Variants in ZNF521 observed in about 807,000 individuals in gnomAD.
ZNF521 encodes the protein LYST-interacting protein 3.
ZNF521 carries 14 observed loss-of-function variants against 105.5 expected under a neutral mutation model. The observed-to-expected ratio is 0.13, with a 90% CI of 0.09 to 0.21. The LOEUF is 0.21. Among genes scored for constraint, ZNF521 ranks in the 10% least tolerant of loss-of-function variants. The pLI is 1.00. For synonymous variants in ZNF521, 635 were observed against 606.0 expected (o/e 1.05, Z -0.70); for missense variants, 1,233 against 1,629.7 (o/e 0.76, Z 4.19).
At chr18:25,071,832 G>C (rs746088552) in intron 7 of ZNF521, among the ~76,000 whole-genome samples, 1 of 152,124 alleles carries the variant, frequency 6.6e-6, no homozygotes, top group Non-Finnish European at 1.5e-5. Flanking sequence ...CACAGAGGAA[G>C]GGCCCTTCAC....
intron 3 of ZNF521, among the ~76,000 whole-genome samples, chr18:25,250,143 A>G (rs1908013565): frequency 1.3e-5 from 2 of 152,006 alleles, no homozygotes; most frequent in Non-Finnish European, 2.9e-5. Flanking sequence ...GTTTCATCGT[A>G]TTAGCCAGGA....
intron 5 of ZNF521, among the ~76,000 whole-genome samples, chr18:25,189,622 C>A (rs967281060): frequency 1.3e-5 from 2 of 152,158 alleles, no homozygotes; most frequent in African/African-American, 4.8e-5. Context: ...ACCATCACTC[C>A]ACACTGCACA....
At chr18:25,156,601 A>C (rs2035149606) in intron 5 of ZNF521, among the ~76,000 whole-genome samples, 1 of 152,230 alleles carries the variant, frequency 6.6e-6, no homozygotes, top group Admixed American at 6.5e-5. Context: ...TATACAATCC[A>C]GGCAAGAGTA....
At chr18:25,240,489 C>T (rs933776397) in intron 3 of ZNF521, among the ~76,000 whole-genome samples, 1 of 152,150 alleles carries the variant, frequency 6.6e-6, no homozygotes, top group South Asian at 2.1e-4. Context: ...TGCTTGCCCA[C>T]GACACTGACA....
At chr18:25,089,689 T>G in intron 6 of ZNF521, 109 bp from the exon 7 acceptor site, 2 of 817,546 alleles carry the variant, frequency 2.4e-6, no homozygotes, top group Non-Finnish European at 4.1e-6. Context: ...CTCCCAGGTG[T>G]GACTTACTGC....
Position 25,226,264 on chromosome 18 carries a change from G to C in ZNF521, c.1654C>G (p.Pro552Ala). Residue 552 changes from proline (P) to alanine (A), a missense_variant, in exon 4 of 8, where the codon CCC (proline) becomes GCC (alanine). Transcript: ENST00000361524. The surrounding 1 kb of genome is among the most constrained non-coding windows in gnomAD (Gnocchi z 4.1). ...TAGACTTCTACTACTGGTTCTTTGGGAGTCCCAAGCACTGGAGACCCAAAT... is the reference window on the plus strand; with the variant it reads ...TAGACTTCTACTACTGGTTCTTTGGCAGTCCCAAGCACTGGAGACCCAAAT... ...SRFGSPVLGT[P>A]KEPVVEVYSC... 1.2e-6 allele frequency: 2 copies of C among 1,614,150 alleles called. No homozygotes were observed. Among genetic ancestry groups the C allele is most frequent in the Admixed American group, 3.3e-5 (2 of 60,018 alleles).
chr18:25,184,557 A>T (rs2035688290), intron 5 of ZNF521, among the ~76,000 whole-genome samples: 1 of 152,166 alleles, frequency 6.6e-6, no homozygotes, highest in Admixed American at 6.5e-5. Flanking sequence ...TTAAGGTTTA[A>T]ATTTCAATTC....
At chr18:25,276,277 A>G (rs906133542) in intron 3 of ZNF521, among the ~76,000 whole-genome samples, 6 of 152,098 alleles carry the variant, frequency 3.9e-5, no homozygotes, top group African/African-American at 1.4e-4. Context: ...CTGCAGATAG[A>G]AAAATGTTAA....
At position 25,227,796 on chromosome 18, in the gene ZNF521, G is replaced by T; in HGVS notation, c.221-99C>A. On this transcript the variant is annotated intron_variant, in intron 3 of 7. Coordinates refer to ENST00000361524, the MANE Select transcript of ZNF521 (RefSeq NM_015461.3). The surrounding 1 kb of genome is among the most constrained non-coding windows in gnomAD (Gnocchi z 5.7). ...CCAGCACGCAGAGTTGGGCCCTCTT[G>T]AATCTTTCAAGAAAAAACAAAATGA... 1.0e-6 allele frequency: 1 copy of T among 997,988 alleles called. No individual in the cohort carries two copies. The highest frequency in any genetic ancestry group is 1.4e-6 in the Non-Finnish European group (1 of 695,904). The allele number at this position is 997,988 out of a possible 1,614,324, so 61.8% of individuals were successfully genotyped here. A position where few individuals can be genotyped will look rare whatever the true frequency, so the allele number is the denominator to read the frequency against.
chr18:25,351,907 G>T (rs953381804), intron 1 of ZNF521, 98 bp downstream of exon 1: 40 of 280,378 alleles, frequency 1.4e-4, no homozygotes, highest in Non-Finnish European at 2.8e-4. Context: ...CGGCAGCGGC[G>T]GCGGCAGCGG....
intron 6 of ZNF521, among the ~76,000 whole-genome samples, chr18:25,091,375 T>TA (rs1255378629): frequency 6.6e-6 from 1 of 152,292 alleles, no homozygotes; most frequent in African/African-American, 2.4e-5. Context: ...TCGTATCTGT[T>TA]AAAAAATTTC....
intron 2 of ZNF521, among the ~76,000 whole-genome samples, chr18:25,344,370 A>G (rs1914366474): frequency 6.6e-6 from 1 of 152,198 alleles, no homozygotes; most frequent in Non-Finnish European, 1.5e-5. Flanking sequence ...TGTTAACTTT[A>G]ATGTTTAAGT....
chr18:25,297,612 T>C (rs568918716), intron 3 of ZNF521, among the ~76,000 whole-genome samples: 10 of 152,270 alleles, frequency 6.6e-5, no homozygotes, highest in African/African-American at 2.2e-4. Flanking sequence ...TTCATATTAC[T>C]GGCAGAGAAA....
rs1242273909 is a variant in ZNF521 at position 25,227,105 on chromosome 18, T to C, written c.813A>G (p.Glu271=). 1 of 1,614,084 alleles carries C rather than the reference T, an allele frequency of 6.2e-7. No homozygotes were observed. The highest frequency in any genetic ancestry group is 1.1e-5 in the South Asian group (1 of 91,076). The change falls in exon 4 of 8, where the codon GAA becomes GAG. Residue 271 remains glutamate (E), a synonymous_variant. Coordinates refer to ENST00000361524, the MANE Select transcript of ZNF521 (RefSeq NM_015461.3). The surrounding 1 kb of genome is among the most constrained non-coding windows in gnomAD (Gnocchi z 5.7). ...CCGCTCGGTCCTCATTTGGGGAGCATTCGGGGTGGCACTCTGCAATGTGTT... is the reference window on the plus strand; with the variant it reads ...CCGCTCGGTCCTCATTTGGGGAGCACTCGGGGTGGCACTCTGCAATGTGTT... ...LQKHIAECHP[E]CSPNEDRAAL... is the part of the protein sequence containing the mutation.
At chr18:25,150,964 C>A (rs1017694593) in intron 5 of ZNF521, among the ~76,000 whole-genome samples, 2 of 149,876 alleles carry the variant, frequency 1.3e-5, no homozygotes, top group South Asian at 2.1e-4. Flanking sequence ...TCACGGCTCA[C>A]TGTAGCCTTG....
intron 5 of ZNF521, among the ~76,000 whole-genome samples, chr18:25,148,967 C>A (rs1425884529): frequency 6.6e-6 from 1 of 152,116 alleles, no homozygotes; most frequent in African/African-American, 2.4e-5. Context: ...CATAAATGAA[C>A]TCGGAGCATA....
intron 5 of ZNF521, among the ~76,000 whole-genome samples, chr18:25,166,690 T>C (rs148148880): frequency 7.1e-4 from 108 of 152,334 alleles, no homozygotes; most frequent in African/African-American, 2.4e-3. Context: ...TGCAATCCCC[T>C]AAATCATGCC....
At chr18:25,074,223 T>C (rs1023424912) in intron 7 of ZNF521, among the ~76,000 whole-genome samples, 2 of 152,232 alleles carry the variant, frequency 1.3e-5, no homozygotes, top group Non-Finnish European at 2.9e-5. Context: ...GATCTTTCTG[T>C]CTCTCTGGGG....
At chr18:25,119,722 A>G (rs1318736947) in intron 5 of ZNF521, among the ~76,000 whole-genome samples, 1 of 152,086 alleles carries the variant, frequency 6.6e-6, no homozygotes. Context: ...TTGTATTAGA[A>G]ACATAAAATT....
Sources: allele counts gnomAD v4.1 joint callset (sites outside exome capture counted in the v4.1 genomes callset), GRCh38; gene constraint gnomAD v4.1.1; non-coding constraint Gnocchi (gnomAD v3.1); transcripts MANE v1.5; gene names NCBI Gene and HGNC (gene_info 2026-07-23, HGNC 2026-07-21).